Variants in SMPD4 observed in about 807,000 individuals in gnomAD.
The protein encoded by SMPD4 is neutral sphingomyelinase 3.
In SMPD4, 58 loss-of-function variants were observed where a neutral mutation model predicts 97.8. That is an observed-to-expected ratio of 0.59 (90% CI 0.48 to 0.74). The LOEUF (loss-of-function observed/expected upper bound fraction) is 0.74. SMPD4 is among the 30% of genes least tolerant of loss of function. The probability of loss-of-function intolerance (pLI) is 0.00; values close to 1 mark genes in which losing one functional copy is unlikely to be tolerated. For missense variants in SMPD4, 853 were observed against 1,080.5 expected (o/e 0.79, Z 2.95); for synonymous variants, 388 against 450.0 (o/e 0.86, Z 1.74).
chr2:130,168,625 C>T (rs1245392519), intron 8 of SMPD4, among the ~76,000 whole-genome samples: 1 of 151,990 alleles, frequency 6.6e-6, no homozygotes. Flanking sequence ...ACTTAGGCCT[C>T]CCAAGTAGCT....
rs568064729 is a variant in SMPD4, at chr2:130,154,775, G to C, written c.1454-293C>G. ...CAGGATGAATGCAAGGCAGAGACCA[G>C]GCTCACCTCCTGAAGCGGCCAACAC... On this transcript the variant is annotated intron_variant, in intron 15 of 19. Coordinates refer to ENST00000680298, the MANE Select transcript of SMPD4 (RefSeq NM_017951.5). 638 of 585,164 alleles carry C rather than the reference G, an allele frequency of 1.1e-3. 1 individual carries two copies. The African/African-American group carries it at 0.011, about 10-fold the overall frequency. 36.2% of individuals were successfully genotyped at this position (585,164 alleles called of 1,614,324 possible).
intron 10 of SMPD4, 38 bp downstream of exon 10, chr2:130,164,336 T>C: frequency 6.4e-7 from 1 of 1,562,702 alleles, no homozygotes; most frequent in South Asian, 1.1e-5. Context: ...CTGAGCAGGG[T>C]CAGAAGCAGG....
Position 130,157,303 on chromosome 2 carries a change from C to G in SMPD4, c.1045G>C (p.Ala349Pro). The G allele has an allele frequency of 6.4e-7, 1 of 1,572,930 alleles. No individual in the cohort carries two copies. The highest frequency in any genetic ancestry group is 8.6e-7 in the Non-Finnish European group (1 of 1,159,714). ...AFANSLKPEQASPSAHSHATS... is the reference protein window; with the variant it reads ...AFANSLKPEQPSPSAHSHATS... ...GCGTGGGAGTGGGCGGAGGGTGAGG[C>G]CTGCTCTGGCTTCAGGCTGTTGGCA... The change falls in exon 12 of 20, where the codon GCC (alanine) becomes CCC (proline). Residue 349 changes from alanine (A) to proline (P), a missense_variant. Physicochemically the swap from Ala to Pro is conservative, Grantham distance 27 (BLOSUM62 -1). Transcript: ENST00000680298.
At chr2:130,154,572 T>C (rs1299905042) in intron 15 of SMPD4, 90 bp from the exon 16 acceptor site, 2 of 1,535,042 alleles carry the variant, frequency 1.3e-6, no homozygotes, top group Non-Finnish European at 8.8e-7. Context: ...CTCTGAGGTG[T>C]CTGGGGAGCC....
At position 130,153,026 on chromosome 2, in the gene SMPD4, C is replaced by T; in HGVS notation, c.2154+17G>A. Reference sequence around the variant, plus strand: ...ACCCTCTCTGAAGACGCCAGGCCAGCCCTCCTGCCCACTCACTCTGTGGTT... The same window carrying T: ...ACCCTCTCTGAAGACGCCAGGCCAGTCCTCCTGCCCACTCACTCTGTGGTT... On this transcript the variant is annotated intron_variant, in intron 19 of 19. Transcript: ENST00000680298. 6.2e-7 allele frequency: 1 copy of T among 1,604,824 alleles called. No individual in the cohort carries two copies. Among genetic ancestry groups the T allele is most frequent in the Non-Finnish European group, 8.5e-7 (1 of 1,176,430 alleles).
chr2:130,165,933 CTG>C (rs1242409090), intron 9 of SMPD4, among the ~76,000 whole-genome samples: 1 of 152,068 alleles, frequency 6.6e-6, no homozygotes, highest in Non-Finnish European at 1.5e-5. Flanking sequence ...AACAACATGA[CTG>C]TATTCAACAC....
At chr2:130,154,786 T>C in intron 15 of SMPD4, 1 of 587,406 alleles carries the variant, frequency 1.7e-6, no homozygotes, top group Non-Finnish European at 3.0e-6. Flanking sequence ...GCTCACCTCC[T>C]GAAGCGGCCA....
chr2:130,159,001 G>C (rs890172687), intron 11 of SMPD4, among the ~76,000 whole-genome samples: 2 of 152,106 alleles, frequency 1.3e-5, no homozygotes, highest in African/African-American at 4.8e-5. Context: ...TGGGGTGGGA[G>C]GCATTTTCTT....
rs1222562065 is a variant in SMPD4 at position 130,181,561 on chromosome 2, G to A, written c.-77C>T. On this transcript the variant is annotated 5_prime_UTR_variant, in exon 1 of 20. Coordinates refer to ENST00000680298, the MANE Select transcript of SMPD4 (RefSeq NM_017951.5). ...GATCCATAGCGTCGCTCGCCTCAGA[G>A]ATGGAAGCCGCCATTCCGCCACGGC... 3.1e-6 allele frequency: 5 copies of A among 1,606,416 alleles called. No individual in the cohort carries two copies. The highest frequency in any genetic ancestry group is 1.7e-5 in the Admixed American group (1 of 59,252).
Position 130,167,104 on chromosome 2 carries a change from G to C in SMPD4, c.792+354C>G, listed in dbSNP as rs573110278. On this transcript the variant is annotated intron_variant, in intron 9 of 19. Transcript: ENST00000680298. ...ACTCTGCCCCACATAGTGGAAGGTGGCAACAGTTTCTTTTCTTTTTCTTTT... is the reference window on the plus strand; with the variant it reads ...ACTCTGCCCCACATAGTGGAAGGTGCCAACAGTTTCTTTTCTTTTTCTTTT... 1.9e-4 allele frequency among the ~76,000 whole-genome samples: 29 copies of C among 152,074 alleles called. 1 individual carries two copies. The South Asian group carries it at 5.8e-3, about 30-fold the overall frequency.
Position 130,155,063 on chromosome 2 carries a change from CG to C in SMPD4, c.1453+32del, listed in dbSNP as rs756961777. The stretch of plus-strand genomic sequence containing the variant: ...CCTGGCCCTGGTCTGGCTGGGTTGA[CG>C]TATACCGGGCTGGCCCAGGCTGAGG... On this transcript the variant is annotated intron_variant, in intron 15 of 19. Coordinates refer to ENST00000680298, the MANE Select transcript of SMPD4 (RefSeq NM_017951.5). 11 of 1,611,448 alleles carry C rather than the reference CG, an allele frequency of 6.8e-6. No homozygotes were observed. In the South Asian group the frequency reaches 1.1e-4, roughly 16 times the overall value.
chr2:130,176,226 C>A (rs1308103176), intron 2 of SMPD4, among the ~76,000 whole-genome samples: 2 of 152,200 alleles, frequency 1.3e-5, no homozygotes, highest in South Asian at 2.1e-4. Context: ...TAGAATACTT[C>A]ATATCTATTT....
intron 2 of SMPD4, among the ~76,000 whole-genome samples, chr2:130,175,459 A>T (rs559935327): frequency 3.2e-4 from 49 of 152,160 alleles, no homozygotes; most frequent in Non-Finnish European, 5.7e-4. Flanking sequence ...ACGCCCAACA[A>T]CATCACGGCT....
At chr2:130,160,533 A>G (rs1687289327) in intron 11 of SMPD4, among the ~76,000 whole-genome samples, 1 of 152,200 alleles carries the variant, frequency 6.6e-6, no homozygotes, top group Non-Finnish European at 1.5e-5. Context: ...AGGCAGCTGC[A>G]ACCTCTATGA....
At position 130,151,566 on chromosome 2, in the gene SMPD4, G is replaced by A. The variant is rs1387972406; in HGVS notation, c.*989C>T. ...AAGCAAACCCCCAAAACCCCACACC[G>A]AAAACAAAGGCTTGGTTTGGAAATC... On this transcript the variant is annotated 3_prime_UTR_variant, in exon 20 of 20. Transcript: ENST00000680298. 2 of 147,340 alleles carry A rather than the reference G, an allele frequency of 1.4e-5. No individual in the cohort carries two copies. Among genetic ancestry groups the A allele is most frequent in the African/African-American group, 5.1e-5 (2 of 39,032 alleles). 9.1% of individuals were successfully genotyped at this position (147,340 alleles called of 1,614,324 possible). A position where few individuals can be genotyped will look rare whatever the true frequency, so the allele number is the denominator to read the frequency against.
intron 10 of SMPD4, among the ~76,000 whole-genome samples, chr2:130,162,315 A>G (rs1194044734): frequency 6.6e-6 from 1 of 152,194 alleles, no homozygotes. Flanking sequence ...GGCCTGGTGC[A>G]CATCCTGCCC....
intron 14 of SMPD4, among the ~76,000 whole-genome samples, chr2:130,155,620 A>G (rs1342340815): frequency 6.6e-6 from 1 of 152,008 alleles, no homozygotes; most frequent in Non-Finnish European, 1.5e-5. Context: ...ATCAGTGGCC[A>G]TGCCAGGTGC....
At chr2:130,167,060 C>T (rs535631890) in intron 9 of SMPD4, among the ~76,000 whole-genome samples, 2 of 152,084 alleles carry the variant, frequency 1.3e-5, no homozygotes, top group South Asian at 2.1e-4. Flanking sequence ...CAGCCCCGGG[C>T]TGAGGGGCCG....
chr2:130,152,476 G>T lies in SMPD4; in HGVS notation c.*79C>A. On this transcript the variant is annotated 3_prime_UTR_variant, in exon 20 of 20. Transcript: ENST00000680298. The stretch of plus-strand genomic sequence containing the variant: ...GGATGACCGTGTTCCCTCCTGGAGG[G>T]GCTTCCCAGGTCCTCTCAGCCCAAG... 2 of 1,379,342 alleles carry T rather than the reference G, an allele frequency of 1.4e-6. No individual in the cohort carries two copies. Among genetic ancestry groups the T allele is most frequent in the East Asian group, 2.5e-5 (1 of 39,704 alleles). The allele number at this position is 1,379,342 out of a possible 1,614,324, so 85.4% of individuals were successfully genotyped here. A position where few individuals can be genotyped will look rare whatever the true frequency, so the allele number is the denominator to read the frequency against.
Sources: allele counts gnomAD v4.1 joint callset (sites outside exome capture counted in the v4.1 genomes callset), GRCh38; gene constraint gnomAD v4.1.1; transcripts MANE v1.5; gene names NCBI Gene and HGNC (gene_info 2026-07-23, HGNC 2026-07-21).